Variants in ADARB2 observed in about 807,000 individuals in gnomAD.
ADARB2 encodes the protein adenosine deaminase RNA specific B2 (inactive).
Under a neutral mutation model 62.2 loss-of-function variants are expected in ADARB2, and 25 were observed. The ratio of observed to expected loss-of-function variants is 0.40; its 90% CI spans 0.29 to 0.56. The LOEUF (loss-of-function observed/expected upper bound fraction) is 0.56, where lower values mean the gene tolerates loss of function less well. ADARB2 is among the 20% of genes least tolerant of loss of function. The pLI, the probability that ADARB2 is intolerant of heterozygous loss-of-function variation, is 0.43. For synonymous variants in ADARB2, 572 were observed against 500.8 expected (o/e 1.14, Z -1.90); for missense variants, 1,071 against 1,077.4 (o/e 0.99, Z 0.08).
chr10:1,198,613 G>A (rs759015455), intron 8 of ADARB2, among the ~76,000 whole-genome samples: 58 of 152,358 alleles, frequency 3.8e-4, no homozygotes, highest in Non-Finnish European at 6.9e-4. Flanking sequence ...AGGCTGCACC[G>A]GCCGTGGTGT....
At chr10:1,707,463 A>C (rs1047139710) in intron 1 of ADARB2, among the ~76,000 whole-genome samples, 1 of 152,210 alleles carries the variant, frequency 6.6e-6, no homozygotes, top group Non-Finnish European at 1.5e-5. Flanking sequence ...CATTTTCTCC[A>C]CATTGTCTTT....
intron 1 of ADARB2, among the ~76,000 whole-genome samples, chr10:1,731,798 T>C (rs1157191347): frequency 6.6e-6 from 1 of 152,210 alleles, no homozygotes; most frequent in East Asian, 1.9e-4. Context: ...AGAGACGGCA[T>C]CAACACACAG....
Position 1,345,213 on chromosome 10 carries a change from C to T in ADARB2, c.1077+17815G>A, listed in dbSNP as rs566275387. ...CCCCCCTCACGAGGCCTCGTCAGAC[C>T]CAGAATGGTGTCAGCATGGGCTGGA... On this transcript the variant is annotated intron_variant, in intron 3 of 9. Transcript: ENST00000381312. Among the ~76,000 whole-genome samples the T allele has an allele frequency of 4.9e-4, 75 of 152,252 alleles. 1 individual carries two copies. The highest frequency in any genetic ancestry group is 1.6e-3 in the African/African-American group (68 of 41,564).
intron 1 of ADARB2, among the ~76,000 whole-genome samples, chr10:1,393,202 A>G (rs1367232501): frequency 2.6e-5 from 4 of 152,168 alleles, no homozygotes; most frequent in Non-Finnish European, 5.9e-5. Flanking sequence ...GTTGGTTAAA[A>G]TGTTTCTAGT....
intron 1 of ADARB2, among the ~76,000 whole-genome samples, chr10:1,588,793 A>T: frequency 6.6e-6 from 1 of 152,178 alleles, no homozygotes; most frequent in East Asian, 1.9e-4. Context: ...ACACAAATTC[A>T]TGAGAAAAAG....
At position 1,319,655 on chromosome 10, in the gene ADARB2, C is replaced by T. The variant is rs1315053772; in HGVS notation, c.1077+43373G>A. On this transcript the variant is annotated intron_variant, in intron 3 of 9. Transcript: ENST00000381312. Reference sequence around the variant, plus strand: ...TGACGAATGGATAGCTGGCATTTTTCCTTCTACAGAGTGTTGGGGACTATG... The same window carrying T: ...TGACGAATGGATAGCTGGCATTTTTTCTTCTACAGAGTGTTGGGGACTATG... Among the ~76,000 whole-genome samples, 3 of 152,142 alleles carry T rather than the reference C, an allele frequency of 2.0e-5. 1 individual carries two copies. Among genetic ancestry groups the T allele is most frequent in the African/African-American group, 7.2e-5 (3 of 41,428 alleles).
At chr10:1,265,543 C>CG (rs199601036) in intron 4 of ADARB2, among the ~76,000 whole-genome samples, 1,477 of 147,348 alleles carry the variant, frequency 0.01, 28 homozygotes, top group African/African-American at 0.014. Flanking sequence ...ACGCCCTGAG[C>CG]GGGGGCCCAG....
chr10:1,603,260 C>G (rs974908918), intron 1 of ADARB2, among the ~76,000 whole-genome samples: 1 of 152,232 alleles, frequency 6.6e-6, no homozygotes, highest in Non-Finnish European at 1.5e-5. Flanking sequence ...GCAGCACCCC[C>G]GGATGACAGC....
chr10:1,350,501 G>A (rs1832125944), intron 3 of ADARB2, among the ~76,000 whole-genome samples: 1 of 152,122 alleles, frequency 6.6e-6, no homozygotes, highest in East Asian at 1.9e-4. Context: ...TTACAGTTTC[G>A]TTCCGTGACT....
Position 1,737,218 on chromosome 10 carries a change from AGCC to A in ADARB2, c.-71_-69del, listed in dbSNP as rs903473807. ...CACCTGCACCTGCCTCCTTCCCGGC[AGCC>A]GCCGCCGCCGCTGCTGCGAAGCTTG... On this transcript the variant is annotated 5_prime_UTR_variant, in exon 1 of 10. Transcript: ENST00000381312. The A allele has an allele frequency of 4.6e-5, 71 of 1,527,172 alleles. No individual in the cohort carries two copies. Among genetic ancestry groups the A allele is most frequent in the African/African-American group, 5.4e-5 (4 of 73,464 alleles). 94.6% of individuals were successfully genotyped at this position (1,527,172 alleles called of 1,614,324 possible). A position where few individuals can be genotyped will look rare whatever the true frequency, so the allele number is the denominator to read the frequency against.
intron 3 of ADARB2, among the ~76,000 whole-genome samples, chr10:1,309,303 G>A (rs750985196): frequency 3.3e-5 from 5 of 152,192 alleles, no homozygotes; most frequent in Non-Finnish European, 5.9e-5. Context: ...AGCGGATCCT[G>A]ACTCTTTGGT....
chr10:1,299,957 A>G (rs1328664741), intron 3 of ADARB2, among the ~76,000 whole-genome samples: 1 of 152,150 alleles, frequency 6.6e-6, no homozygotes, highest in Non-Finnish European at 1.5e-5. Context: ...CATCAACCAC[A>G]TGCTGGAGTT....
chr10:1,375,989 A>G (rs1390568103), intron 2 of ADARB2, among the ~76,000 whole-genome samples: 1 of 151,812 alleles, frequency 6.6e-6, no homozygotes, highest in African/African-American at 2.4e-5. Flanking sequence ...ACACGCACAC[A>G]CACGCACATG....
intron 1 of ADARB2, among the ~76,000 whole-genome samples, chr10:1,528,827 G>A (rs940112185): frequency 2.0e-5 from 3 of 152,186 alleles, no homozygotes; most frequent in Non-Finnish European, 2.9e-5. Flanking sequence ...AGAATGTGTG[G>A]AATTGGGATT....
chr10:1,659,353 T>C (rs767392291), intron 1 of ADARB2, among the ~76,000 whole-genome samples: 121 of 152,258 alleles, frequency 7.9e-4, no homozygotes, highest in Non-Finnish European at 1.5e-3. Context: ...CCCCGTCCTG[T>C]CTATGAGCTG....
intron 1 of ADARB2, among the ~76,000 whole-genome samples, chr10:1,470,187 C>T (rs1379919937): frequency 6.6e-6 from 1 of 151,966 alleles, no homozygotes; most frequent in Non-Finnish European, 1.5e-5. Context: ...TTCCCCTAGC[C>T]ACTTACACAC....
chr10:1,219,808 T>G (rs1378807097), intron 6 of ADARB2, among the ~76,000 whole-genome samples: 1 of 149,932 alleles, frequency 6.7e-6, no homozygotes, highest in African/African-American at 2.5e-5. Context: ...ATGGCAATGG[T>G]GATGATGGTG....
chr10:1,363,650 T>G lies in ADARB2; in HGVS notation c.455A>C (p.His152Pro), dbSNP rs751727246. ...YRTVSQTGPVHAPVFAVAVEV... is the reference protein window; with the variant it reads ...YRTVSQTGPVPAPVFAVAVEV... ...CACCGCTACCGCGAAGACCGGGGCA[T>G]GCACCGGGCCCGTCTGCGACACTGT... Residue 152 changes from histidine to proline, a missense_variant, in exon 3 of 10, where the codon CAT (histidine) becomes CCT (proline). Physicochemically the swap from His to Pro is moderately conservative, Grantham distance 77 (BLOSUM62 -2). Coordinates refer to ENST00000381312, the MANE Select transcript of ADARB2 (RefSeq NM_018702.4). The G allele has an allele frequency of 6.2e-6, 10 of 1,606,760 alleles. No homozygotes were observed. The highest frequency in any genetic ancestry group is 5.1e-6 in the Non-Finnish European group (6 of 1,176,676).
chr10:1,597,866 A>G (rs1209515872), intron 1 of ADARB2, among the ~76,000 whole-genome samples: 2 of 152,256 alleles, frequency 1.3e-5, no homozygotes, highest in Non-Finnish European at 2.9e-5. Context: ...GCATGGAATC[A>G]ACCTAAGTGT....
Sources: allele counts gnomAD v4.1 joint callset (sites outside exome capture counted in the v4.1 genomes callset), GRCh38; gene constraint gnomAD v4.1.1; transcripts MANE v1.5; gene names NCBI Gene and HGNC (gene_info 2026-07-23, HGNC 2026-07-21).